The following PCDHA6 variants were observed in gnomAD, a reference collection of about 807,000 sequenced individuals.
The protein encoded by PCDHA6 is protocadherin alpha-6.
A neutral mutation model predicts 60.3 loss-of-function variants in PCDHA6; 55 were observed. The ratio of observed to expected loss-of-function variants is 0.91; its 90% CI spans 0.73 to 1.14. The LOEUF (loss-of-function observed/expected upper bound fraction) is 1.14. PCDHA6 is among the 50% of genes most tolerant of loss of function. The pLI is 0.00. For missense variants in PCDHA6, 1,327 were observed against 1,256.5 expected, an observed-to-expected ratio of 1.06 and a Z score of -0.85; for synonymous variants, 652 against 557.9, an observed-to-expected ratio of 1.17 and a Z score of -2.38.
chr5:141,008,999 G>A (rs1389698923), intron 3 of PCDHA6, among the ~76,000 whole-genome samples: 1 of 152,200 alleles, frequency 6.6e-6, no homozygotes, highest in African/African-American at 2.4e-5. Context: ...ACTAAAAGGA[G>A]CATATTTTGC....
rs2150425663 is a variant in PCDHA6, at chr5:140,848,940, G to A, written c.2394+18455G>A. On this transcript the variant is annotated intron_variant, in intron 1 of 3. Coordinates refer to ENST00000529310, the MANE Select transcript of PCDHA6 (RefSeq NM_018909.4). The stretch of plus-strand genomic sequence containing the variant: ...GTTCATCGCGGAATCCAGGCCGCTT[G>A]ACTCTCGGTTTCCACTAGAGGGCGC... 7.5e-6 allele frequency: 12 copies of A among 1,607,456 alleles called. No individual in the cohort carries two copies. In the South Asian group the frequency reaches 1.2e-4, roughly 16 times the overall value.
At chr5:140,866,412 A>C (rs1308561363) in intron 1 of PCDHA6, 1 of 152,116 alleles carries the variant, frequency 6.6e-6, no homozygotes, top group Non-Finnish European at 1.5e-5. Context: ...AAAATCTTCA[A>C]ATGTGTGTAG....
rs547166699 is a variant in PCDHA6 at position 140,982,068 on chromosome 5, TTAGAG to T, written c.2454-401_2454-397del. On this transcript the variant is annotated intron_variant, in intron 2 of 3. Transcript: ENST00000529310. ...AAAATATTTTAGTGTGTTTTCTTCT[TTAGAG>T]TAGAGAACCTAGGAACAAGAGAACC... 3.5e-3 allele frequency among the ~76,000 whole-genome samples: 532 copies of T among 152,340 alleles called. 2 individuals carry two copies. Among genetic ancestry groups the T allele is most frequent in the Non-Finnish European group, 5.4e-3 (369 of 68,028 alleles).
chr5:140,853,960 C>G, intron 1 of PCDHA6: 2 of 730,184 alleles, frequency 2.7e-6, no homozygotes, highest in Non-Finnish European at 3.4e-6. Flanking sequence ...CTTCCTTGAG[C>G]CCAGCAGTTT....
At chr5:140,873,417 AATT>A (rs1443232738) in intron 1 of PCDHA6, among the ~76,000 whole-genome samples, 1 of 152,164 alleles carries the variant, frequency 6.6e-6, no homozygotes. Flanking sequence ...AAATTTTGTA[AATT>A]ATTATTTTAT....
intron 1 of PCDHA6, among the ~76,000 whole-genome samples, chr5:140,916,438 A>G (rs975528805): frequency 4.6e-5 from 7 of 152,234 alleles, no homozygotes; most frequent in Admixed American, 4.6e-4. Flanking sequence ...TAAGGCCCAC[A>G]GTATACTACC....
chr5:140,830,182 C>G lies in PCDHA6; in HGVS notation c.2091C>G (p.Asn697Lys), dbSNP rs2150182524. The change falls in exon 1 of 4, where the codon AAC becomes AAG. Residue 697 changes from asparagine (N) to lysine (K), a missense_variant. Transcript: ENST00000529310. The stretch of plus-strand genomic sequence containing the variant: ...CAGAGGCGGCGCTGGTGGATGTCAA[C>G]GTGTACCTGATCATCGCCATCTGCG... ...AGPEAALVDV[N>K]VYLIIAICAV... is the part of the protein sequence containing the mutation. The G allele has an allele frequency of 6.8e-6, 11 of 1,613,538 alleles. No homozygotes were observed. Among genetic ancestry groups the G allele is most frequent in the Non-Finnish European group, 8.5e-6 (10 of 1,179,912 alleles).
chr5:140,870,657 G>A (rs782619046), intron 1 of PCDHA6: 1 of 1,612,514 alleles, frequency 6.2e-7, no homozygotes, highest in East Asian at 2.2e-5. Context: ...AGGTGTACGC[G>A]CTGCAGCCGT....
chr5:140,843,455 G>C, intron 1 of PCDHA6: 1 of 1,596,110 alleles, frequency 6.3e-7, no homozygotes, highest in Non-Finnish European at 8.6e-7. Context: ...CAGCCTGCTG[G>C]TGCTCACGCT....
At position 140,968,456 on chromosome 5, in the gene PCDHA6, A is replaced by G. The variant is rs782476018; in HGVS notation, c.2395-10493A>G. ...GAGCCCACCACTGAGCAGCACTGTG[A>G]CTGCCAACGTATATGTGGTGGACAT... On this transcript the variant is annotated intron_variant, in intron 1 of 3. Transcript: ENST00000529310. 82 of 1,613,964 alleles carry G rather than the reference A, an allele frequency of 5.1e-5. No individual in the cohort carries two copies. Among genetic ancestry groups the G allele is most frequent in the Non-Finnish European group, 6.2e-5 (73 of 1,180,022 alleles).
At chr5:140,927,906 C>G (rs116016831) in intron 1 of PCDHA6, 1 of 1,614,180 alleles carries the variant, frequency 6.2e-7, no homozygotes, top group Non-Finnish European at 8.5e-7. Flanking sequence ...ATCATGCCCC[C>G]GAACTGGACT....
rs2150406668 is a variant in PCDHA6, at chr5:140,848,164, G to C, written c.2394+17679G>C. ...TAGAGGCAGTCAGTCTGCTAAGAAG[G>C]CTCCAGCAAGAGAAACGGGATCTTC... On this transcript the variant is annotated intron_variant, in intron 1 of 3. Transcript: ENST00000529310. 62 of 251,046 alleles carry C rather than the reference G, an allele frequency of 2.5e-4. 5 individuals are homozygous for C. Among genetic ancestry groups the C allele is most frequent in the African/African-American group, 1.2e-3 (56 of 44,864 alleles). The allele number at this position is 251,046 out of a possible 1,614,324, so 15.6% of individuals were successfully genotyped here.
At chr5:140,923,112 T>C (rs1159250649) in intron 1 of PCDHA6, among the ~76,000 whole-genome samples, 2 of 152,144 alleles carry the variant, frequency 1.3e-5, no homozygotes, top group Non-Finnish European at 2.9e-5. Flanking sequence ...TGATTTTAAG[T>C]TTTTAGGGTC....
In PCDHA6 at chr5:140,847,222, G is replaced by A. The variant is rs1156761082; in HGVS notation, c.2394+16737G>A. 2.0e-5 allele frequency among the ~76,000 whole-genome samples: 3 copies of A among 149,704 alleles called. 1 individual carries two copies. ...GGCCACTCTTTAGAATTAATTGGGA[G>A]CTATTTAACTACCTTGAGCAAAATA... On this transcript the variant is annotated intron_variant, in intron 1 of 3. Transcript: ENST00000529310.
At chr5:140,920,932 G>A (rs2079937589) in intron 1 of PCDHA6, among the ~76,000 whole-genome samples, 1 of 151,286 alleles carries the variant, frequency 6.6e-6, no homozygotes, top group Admixed American at 6.6e-5. Flanking sequence ...AGGTGATCTA[G>A]CCCTTTCATT....
chr5:140,884,555 G>C, intron 1 of PCDHA6: 1 of 1,614,098 alleles, frequency 6.2e-7, no homozygotes, highest in Non-Finnish European at 8.5e-7. Context: ...CTCTGGGGAG[G>C]GCCCGCATAA....
chr5:140,854,175 A>AAAAGAGT, intron 1 of PCDHA6: 1 of 674,398 alleles, frequency 1.5e-6, no homozygotes, highest in Non-Finnish European at 1.8e-6. Context: ...AAAAAAAAAA[A>AAAAGAGT]AGAGTAGTTT....
intron 1 of PCDHA6, among the ~76,000 whole-genome samples, chr5:140,918,591 A>G (rs1554198702): frequency 6.6e-6 from 1 of 152,238 alleles, no homozygotes; most frequent in African/African-American, 2.4e-5. Context: ...TATATGTTCT[A>G]TAGATGTTGC....
rs1051787265 is a variant in PCDHA6 at position 140,857,050 on chromosome 5, G to A, written c.2394+26565G>A. On this transcript the variant is annotated intron_variant, in intron 1 of 3. Transcript: ENST00000529310. ...ACCCACCTATGGTTGGTCACTGCAC[G>A]GTCCTAGTGGAACTACTGGATGAAA... is the stretch of plus-strand genomic sequence containing the variant. 1.3e-5 allele frequency: 20 copies of A among 1,595,508 alleles called. 1 individual carries two copies. The highest frequency in any genetic ancestry group is 1.7e-5 in the Non-Finnish European group (20 of 1,165,320).
Sources: gnomAD v4.1 joint callset for allele counts (sites outside exome capture counted in the v4.1 genomes callset) on GRCh38, gnomAD v4.1.1 for gene constraint, MANE v1.5 for transcripts, NCBI Gene and HGNC (gene_info 2026-07-23, HGNC 2026-07-21) for gene names.